PRIMA1: variants seen among roughly 807,000 people sequenced by gnomAD.
PRIMA1 encodes the protein proline rich membrane anchor 1.
Under a neutral mutation model 17.5 loss-of-function variants are expected in PRIMA1, and 7 were observed. The ratio of observed to expected loss-of-function variants is 0.40; its 90% CI spans 0.23 to 0.75. The LOEUF (loss-of-function observed/expected upper bound fraction) is 0.75. PRIMA1 is among the 30% of genes least tolerant of loss of function. The probability of loss-of-function intolerance (pLI) is 0.37; values close to 1 mark genes in which losing one functional copy is unlikely to be tolerated. For synonymous variants in PRIMA1, 97 were observed against 77.9 expected (o/e 1.25, Z -1.29); for missense variants, 200 against 201.8 (o/e 0.99, Z 0.05).
chr14:93,767,819 G>A lies in PRIMA1; in HGVS notation c.229+11357C>T, dbSNP rs937401931. Among the ~76,000 whole-genome samples, 9 of 152,294 alleles carry A rather than the reference G, an allele frequency of 5.9e-5. 1 individual carries two copies. In the South Asian group the frequency reaches 1.9e-3, roughly 32 times the overall value. Reference sequence around the variant, plus strand: ...AGCCATCATCCCCACTAGCAGATCAGAAAACTGAGGCTTGGACTGCCTTGC... The same window carrying A: ...AGCCATCATCCCCACTAGCAGATCAAAAAACTGAGGCTTGGACTGCCTTGC... On this transcript the variant is annotated intron_variant, in intron 3 of 4. Coordinates refer to ENST00000393140, the MANE Select transcript of PRIMA1 (RefSeq NM_178013.4).
chr14:93,734,182 T>C (rs1334373716), intron 4 of PRIMA1, among the ~76,000 whole-genome samples: 1 of 152,220 alleles, frequency 6.6e-6, no homozygotes, highest in Admixed American at 6.5e-5. Flanking sequence ...TGCAGATGGA[T>C]GCACAGCCTG....
At chr14:93,777,481 C>T (rs917760803) in intron 3 of PRIMA1, among the ~76,000 whole-genome samples, 2 of 152,106 alleles carry the variant, frequency 1.3e-5, no homozygotes, top group African/African-American at 2.4e-5. Flanking sequence ...GGATTACAGG[C>T]GCCTGCCACC....
intron 3 of PRIMA1, among the ~76,000 whole-genome samples, chr14:93,766,316 G>A (rs1462391186): frequency 6.6e-6 from 1 of 152,146 alleles, no homozygotes; most frequent in African/African-American, 2.4e-5. Flanking sequence ...CTGGGTCTGG[G>A]TCCCACAGCC....
At chr14:93,751,361 T>C (rs972084823) in intron 3 of PRIMA1, among the ~76,000 whole-genome samples, 1 of 152,144 alleles carries the variant, frequency 6.6e-6, no homozygotes, top group Non-Finnish European at 1.5e-5. Context: ...GTGCTTTCAC[T>C]CGGCTTCCCC....
Position 93,726,779 on chromosome 14 carries a change from AAAC to A in PRIMA1, c.360-5236_360-5234del, listed in dbSNP as rs1321478110. ...CATAAATGTACAAATCCACACACAC[AAAC>A]AATATACACATACACACATGTACTT... On this transcript the variant is annotated intron_variant, in intron 4 of 4. Transcript: ENST00000393140. This position sits in a 1 kb window ranked among gnomAD's most constrained non-coding sequence, Gnocchi z 4.2. Among the ~76,000 whole-genome samples, 4 of 152,086 alleles carry A rather than the reference AAAC, an allele frequency of 2.6e-5. No individual in the cohort carries two copies. The highest frequency in any genetic ancestry group is 1.9e-4 in the East Asian group (1 of 5,188).
intron 3 of PRIMA1, among the ~76,000 whole-genome samples, chr14:93,775,464 G>A (rs1051754764): frequency 3.3e-5 from 5 of 152,172 alleles, no homozygotes; most frequent in African/African-American, 1.2e-4. Flanking sequence ...TATATAGCAG[G>A]CACTTGTTTT....
chr14:93,725,508 C>A (rs551139277), intron 4 of PRIMA1, among the ~76,000 whole-genome samples: 2 of 152,248 alleles, frequency 1.3e-5, no homozygotes, highest in African/African-American at 4.8e-5. Context: ...GGTGACGCTG[C>A]GGAAGTGCTA....
At chr14:93,759,773 A>T (rs1385967302) in intron 3 of PRIMA1, among the ~76,000 whole-genome samples, 1 of 152,176 alleles carries the variant, frequency 6.6e-6, no homozygotes, top group South Asian at 2.1e-4. Context: ...CGGGAGCCCC[A>T]CAGACCAGCG....
At position 93,748,043 on chromosome 14, in the gene PRIMA1, TGTGA is replaced by T. The variant is rs745736557; in HGVS notation, c.230-10677_230-10674del. On this transcript the variant is annotated intron_variant, in intron 3 of 4. Transcript: ENST00000393140. ...GAGTGGGGGACTGTGTGTGGGAGTGTGTGAGTGTGTGTATGTGAGTGTGAATGTG... is the reference window on the plus strand; with the variant it reads ...GAGTGGGGGACTGTGTGTGGGAGTGTGTGTGTGTATGTGAGTGTGAATGTG... Among the ~76,000 whole-genome samples the T allele has an allele frequency of 2.4e-4, 19 of 80,478 alleles. No homozygotes were observed. In the South Asian group the frequency reaches 6.2e-3, roughly 26 times the overall value. 52.8% of individuals were successfully genotyped at this position (80,478 alleles called of 152,430 possible). A position where few individuals can be genotyped will look rare whatever the true frequency, so the allele number is the denominator to read the frequency against.
chr14:93,788,903 G>A (rs1885612553), upstream of PRIMA1, among the ~76,000 whole-genome samples: 1 of 152,214 alleles, frequency 6.6e-6, no homozygotes, highest in Non-Finnish European at 1.5e-5. Context: ...GCGGCTGCCC[G>A]GGGCACTGGG....
intron 3 of PRIMA1, among the ~76,000 whole-genome samples, chr14:93,775,961 G>A (rs1885207197): frequency 6.6e-6 from 1 of 152,212 alleles, no homozygotes; most frequent in Admixed American, 6.5e-5. Context: ...TGGTCCACAG[G>A]TGGGCACATG....
upstream of PRIMA1, chr14:93,788,539 C>A (rs934798313): frequency 6.6e-6 from 1 of 152,338 alleles, no homozygotes; most frequent in Non-Finnish European, 1.5e-5. Flanking sequence ...AGTCCCCCGC[C>A]CTCTAGGCGG....
intron 4 of PRIMA1, among the ~76,000 whole-genome samples, chr14:93,724,247 T>A (rs1259503884): frequency 1.3e-5 from 2 of 152,232 alleles, no homozygotes; most frequent in Admixed American, 6.5e-5. Flanking sequence ...ACCCCCCTCT[T>A]AGAGATTCTG....
At chr14:93,756,578 T>C (rs8014307) in intron 3 of PRIMA1, among the ~76,000 whole-genome samples, 59,209 of 151,562 alleles carry the variant, frequency 0.39, 12,104 homozygotes, top group Non-Finnish European at 0.45. Context: ...CCCCACAAAT[T>C]GATCAGTCCC....
At chr14:93,742,478 AAG>A (rs1428639343) in intron 3 of PRIMA1, among the ~76,000 whole-genome samples, 1 of 152,144 alleles carries the variant, frequency 6.6e-6, no homozygotes, top group East Asian at 1.9e-4. Context: ...ATAAATAGAA[AAG>A]AGAGGTCCCA....
In PRIMA1 at chr14:93,779,161, T is replaced by G; in HGVS notation, c.229+15A>C. 1 of 1,372,230 alleles carries G rather than the reference T, an allele frequency of 7.3e-7. No homozygotes were observed. The highest frequency in any genetic ancestry group is 9.4e-7 in the Non-Finnish European group (1 of 1,063,660). 85.0% of individuals were successfully genotyped at this position (1,372,230 alleles called of 1,614,324 possible). A position where few individuals can be genotyped will look rare whatever the true frequency, so the allele number is the denominator to read the frequency against. ...CACAAAGAGAAACCCGAAAATGGAG[T>G]GAGCCATTACTTACCTGGGGCGGAG... On this transcript the variant is annotated intron_variant, in intron 3 of 4. Transcript: ENST00000393140.
chr14:93,751,495 A>G (rs2141172515), intron 3 of PRIMA1, among the ~76,000 whole-genome samples: 2 of 152,346 alleles, frequency 1.3e-5, no homozygotes, highest in Admixed American at 1.3e-4. Flanking sequence ...TGAGGTTACC[A>G]AGATGCTGAA....
intron 3 of PRIMA1, among the ~76,000 whole-genome samples, chr14:93,778,000 C>T (rs1399301541): frequency 6.6e-6 from 1 of 152,104 alleles, no homozygotes; most frequent in East Asian, 1.9e-4. Flanking sequence ...AGGTGCAGGC[C>T]CAGGGATTCT....
intron 4 of PRIMA1, among the ~76,000 whole-genome samples, chr14:93,722,760 GAT>G (rs2076049837): frequency 6.6e-5 from 10 of 151,998 alleles, no homozygotes; most frequent in South Asian, 6.2e-4. Flanking sequence ...TGATGGAGGT[GAT>G]GATGGCGGTG....
Sources: gnomAD v4.1 joint callset for allele counts (sites outside exome capture counted in the v4.1 genomes callset) on GRCh38, gnomAD v4.1.1 for gene constraint, Gnocchi (gnomAD v3.1) non-coding constraint, MANE v1.5 for transcripts, NCBI Gene and HGNC (gene_info 2026-07-23, HGNC 2026-07-21) for gene names.